BTRC: variants seen among roughly 807,000 people sequenced by gnomAD.
The protein encoded by BTRC is beta-transducin repeat containing E3 ubiquitin protein ligase, also known as F-box/WD repeat-containing protein 1A.
Under a neutral mutation model 85.5 loss-of-function variants are expected in BTRC, and 42 were observed. That is an observed-to-expected ratio of 0.49 (90% CI 0.38 to 0.64). The LOEUF (loss-of-function observed/expected upper bound fraction) is 0.64. Ranked by LOEUF, BTRC falls within the 30% of genes least tolerant of loss-of-function variation. The pLI is 0.00. For missense variants in BTRC, 594 were observed against 743.5 expected (o/e 0.80, Z 2.34); for synonymous variants, 255 against 263.3 (o/e 0.97, Z 0.30).
rs145431733 is a variant in BTRC at position 101,521,664 on chromosome 10, G to A, written c.350G>A (p.Ser117Asn). ...ACAAAACTTGCCAATGGCACTTCCA[G>A]TATGATTGTGCCCAAGCAACGGAAA... ...AKTKLANGTSSMIVPKQRKLS... is the reference protein window; with the variant it reads ...AKTKLANGTSNMIVPKQRKLS... The change falls in exon 5 of 15, where the codon AGT becomes AAT. Residue 117 changes from serine (S) to asparagine (N), a missense_variant. Transcript: ENST00000370187. 162 of 1,613,994 alleles carry A rather than the reference G, an allele frequency of 1.0e-4. No individual in the cohort carries two copies. In the African/African-American group the frequency reaches 1.9e-3, roughly 19 times the overall value.
intron 1 of BTRC, among the ~76,000 whole-genome samples, chr10:101,411,425 C>T (rs575750303): frequency 6.6e-6 from 1 of 152,246 alleles, no homozygotes; most frequent in Non-Finnish European, 1.5e-5. Context: ...TTTTGAGACA[C>T]CAGATATGCA....
chr10:101,427,867 A>G (rs1944302078), intron 1 of BTRC, among the ~76,000 whole-genome samples: 1 of 152,200 alleles, frequency 6.6e-6, no homozygotes, highest in Admixed American at 6.5e-5. Flanking sequence ...TTTAATAAGT[A>G]TTTATTGAAT....
chr10:101,472,512 A>G (rs1323728266), intron 3 of BTRC, among the ~76,000 whole-genome samples: 1 of 151,734 alleles, frequency 6.6e-6, no homozygotes, highest in East Asian at 1.9e-4. Flanking sequence ...TCCTTTCAGC[A>G]CTTTAAAAAT....
chr10:101,479,103 A>G (rs1293560466), intron 3 of BTRC, among the ~76,000 whole-genome samples: 1 of 152,248 alleles, frequency 6.6e-6, no homozygotes, highest in Non-Finnish European at 1.5e-5. Context: ...AAAATGCTAC[A>G]TAATCAGTAC....
intron 4 of BTRC, among the ~76,000 whole-genome samples, chr10:101,491,769 T>G (rs1009796745): frequency 1.2e-4 from 19 of 152,186 alleles, no homozygotes; most frequent in African/African-American, 4.6e-4. Flanking sequence ...ATATTTTGAT[T>G]CATGCTTCTA....
At chr10:101,546,689 A>G (rs1411010605) in intron 13 of BTRC, among the ~76,000 whole-genome samples, 1 of 152,222 alleles carries the variant, frequency 6.6e-6, no homozygotes, top group Non-Finnish European at 1.5e-5. Flanking sequence ...AACAAAAACT[A>G]GACCAGAAAT....
intron 1 of BTRC, among the ~76,000 whole-genome samples, chr10:101,374,227 G>T (rs1193933626): frequency 2.0e-5 from 3 of 151,968 alleles, no homozygotes; most frequent in African/African-American, 7.3e-5. Flanking sequence ...AGCACTTGTT[G>T]TTTCCTGACT....
chr10:101,385,618 C>CTTTTTTTTTTTTTTTTTTTTTTTTTTT (rs36030307), intron 1 of BTRC, among the ~76,000 whole-genome samples: 20 of 79,808 alleles, frequency 2.5e-4, no homozygotes, highest in Non-Finnish European at 3.0e-4. Flanking sequence ...TCTTCTTCTT[C>CTTTTTTTTTTTTTTTTTTTTTTTTTTT]TTTTTTTTTT....
intron 4 of BTRC, among the ~76,000 whole-genome samples, chr10:101,484,461 CTACTTGCTG>C (rs1289328437): frequency 6.6e-6 from 1 of 152,156 alleles, no homozygotes; most frequent in Non-Finnish European, 1.5e-5. Flanking sequence ...TTTTTCCATG[CTACTTGCTG>C]TACCAGCCAT....
intron 6 of BTRC, among the ~76,000 whole-genome samples, chr10:101,530,795 C>G (rs527241104): frequency 6.6e-6 from 1 of 152,218 alleles, no homozygotes; most frequent in Non-Finnish European, 1.5e-5. Flanking sequence ...ATCAGGCTTA[C>G]CTTTGCTCCT....
At chr10:101,509,931 GC>G (rs1208531164) in intron 4 of BTRC, among the ~76,000 whole-genome samples, 1 of 151,576 alleles carries the variant, frequency 6.6e-6, no homozygotes, top group Non-Finnish European at 1.5e-5. Flanking sequence ...ACTTTGGGAG[GC>G]CAAGACAGGT....
chr10:101,497,896 T>C lies in BTRC; in HGVS notation c.324+18439T>C, dbSNP rs1398385143. Among the ~76,000 whole-genome samples, 3 of 151,996 alleles carry C rather than the reference T, an allele frequency of 2.0e-5. No homozygotes were observed. In the East Asian group the frequency reaches 5.8e-4, roughly 30 times the overall value. On this transcript the variant is annotated intron_variant, in intron 4 of 14. Transcript: ENST00000370187. ...TTAACTGGGCATGGTGGCACGTGCC[T>C]GTAGTCCAAGCTACTCAGGAGGCTG... is the stretch of plus-strand genomic sequence containing the variant.
At chr10:101,527,761 GTCTCTC>G (rs5787436) in intron 6 of BTRC, among the ~76,000 whole-genome samples, 31,803 of 142,002 alleles carry the variant, frequency 0.22, 3,578 homozygotes, top group Non-Finnish European at 0.28. Context: ...CTCTTTCTCT[GTCTCTC>G]TCTCTCTCTC....
In BTRC at chr10:101,556,018, G is replaced by A. The variant is rs2062719579; in HGVS notation, c.*2895G>A. ...TGCAATTTGAAAGGATGTGAATCAT[G>A]GATGGAAGGCCATTTGTACATGTCC... is the stretch of plus-strand genomic sequence containing the variant. On this transcript the variant is annotated 3_prime_UTR_variant, in exon 15 of 15. Transcript: ENST00000370187. 1 of 152,188 alleles carries A rather than the reference G, an allele frequency of 6.6e-6. No individual in the cohort carries two copies. Among genetic ancestry groups the A allele is most frequent in the South Asian group, 2.1e-4 (1 of 4,820 alleles). The allele number at this position is 152,188 out of a possible 1,614,324, so 9.4% of individuals were successfully genotyped here.
chr10:101,435,600 T>C (rs916954306), intron 2 of BTRC, among the ~76,000 whole-genome samples: 4 of 152,242 alleles, frequency 2.6e-5, no homozygotes, highest in African/African-American at 7.2e-5. Context: ...CATTTATTGA[T>C]AGGTATTTGG....
At chr10:101,524,805 A>G (rs1485948749) in intron 5 of BTRC, among the ~76,000 whole-genome samples, 1 of 152,188 alleles carries the variant, frequency 6.6e-6, no homozygotes, top group Non-Finnish European at 1.5e-5. Flanking sequence ...TGGGTAATGC[A>G]TGTCTCCATC....
chr10:101,437,513 C>T (rs1944563336), intron 2 of BTRC, among the ~76,000 whole-genome samples: 1 of 152,040 alleles, frequency 6.6e-6, no homozygotes, highest in Admixed American at 6.6e-5. Flanking sequence ...ATTTAATATT[C>T]ATTGTAGAAA....
chr10:101,479,522 C>T, intron 4 of BTRC, 65 bp downstream of exon 4: 1 of 1,283,778 alleles, frequency 7.8e-7, no homozygotes. Flanking sequence ...CTGTAGGCAT[C>T]TTTACTCAGT....
chr10:101,485,926 C>T (rs142875019), intron 4 of BTRC, among the ~76,000 whole-genome samples: 8 of 152,280 alleles, frequency 5.3e-5, no homozygotes, highest in African/African-American at 1.4e-4. Flanking sequence ...TCGGATCACC[C>T]GCACAGAGAG....
Sources: gnomAD v4.1 joint callset for allele counts (sites outside exome capture counted in the v4.1 genomes callset) on GRCh38, gnomAD v4.1.1 for gene constraint, MANE v1.5 for transcripts, NCBI Gene and HGNC (gene_info 2026-07-23, HGNC 2026-07-21) for gene names.